ITK: variants seen among roughly 807,000 people sequenced by gnomAD.
ITK encodes tyrosine-protein kinase ITK/TSK.
A neutral mutation model predicts 87.6 loss-of-function variants in ITK; 45 were observed. The observed-to-expected ratio is 0.51, with a 90% CI of 0.40 to 0.66. ITK has a LOEUF of 0.66. Among genes scored for constraint, ITK ranks in the 30% least tolerant of loss-of-function variants. ITK has a pLI of 0.00. For synonymous variants in ITK, 303 were observed against 273.6 expected (o/e 1.11, Z -1.06); for missense variants, 605 against 766.3 (o/e 0.79, Z 2.48).
chr5:157,232,235 G>A, intron 7 of ITK, 105 bp from the exon 8 acceptor site: 1 of 812,610 alleles, frequency 1.2e-6, no homozygotes, highest in Non-Finnish European at 2.1e-6. Flanking sequence ...TTAAAGCACT[G>A]GTAGAAATAG....
intron 2 of ITK, among the ~76,000 whole-genome samples, chr5:157,209,855 A>G (rs1298901153): frequency 6.6e-6 from 1 of 152,236 alleles, no homozygotes; most frequent in Non-Finnish European, 1.5e-5. Flanking sequence ...TCACATGTTC[A>G]ATAGCAGGAC....
At chr5:157,190,611 A>C (rs1266462350) in intron 1 of ITK, among the ~76,000 whole-genome samples, 1 of 152,156 alleles carries the variant, frequency 6.6e-6, no homozygotes, top group African/African-American at 2.4e-5. Flanking sequence ...GCAGATAGAG[A>C]ATGTGGTAGG....
chr5:157,183,402 G>A (rs1012938326), intron 1 of ITK, among the ~76,000 whole-genome samples: 12 of 152,272 alleles, frequency 7.9e-5, no homozygotes, highest in Admixed American at 6.5e-4. Flanking sequence ...AGACTCAGAG[G>A]TATAATGTCT....
chr5:157,233,897 T>G (rs926121590), intron 8 of ITK, among the ~76,000 whole-genome samples: 9 of 133,660 alleles, frequency 6.7e-5, no homozygotes, highest in Non-Finnish European at 1.3e-4. Context: ...ACATTTTGCT[T>G]GCTCTGGCAG....
At chr5:157,237,306 C>A (rs1296522417) in intron 8 of ITK, among the ~76,000 whole-genome samples, 1 of 152,150 alleles carries the variant, frequency 6.6e-6, no homozygotes, top group Non-Finnish European at 1.5e-5. Context: ...AAACCAAACA[C>A]CACATGTTCT....
chr5:157,217,992 C>A, intron 5 of ITK, 85 bp downstream of exon 5: 1 of 1,197,900 alleles, frequency 8.3e-7, no homozygotes, highest in South Asian at 1.2e-5. Context: ...CCCCTCTCCC[C>A]ATAGTTTTCA....
At chr5:157,231,647 C>T (rs1245382631) in intron 7 of ITK, among the ~76,000 whole-genome samples, 1 of 152,136 alleles carries the variant, frequency 6.6e-6, no homozygotes, top group Non-Finnish European at 1.5e-5. Flanking sequence ...AGTCTGCCTC[C>T]TCTTACCTAA....
At chr5:157,189,739 A>T (rs541337247) in intron 1 of ITK, among the ~76,000 whole-genome samples, 1 of 152,232 alleles carries the variant, frequency 6.6e-6, no homozygotes, top group Non-Finnish European at 1.5e-5. Flanking sequence ...AGCTCCATGT[A>T]AAACAAGACA....
chr5:157,209,045 T>C, intron 2 of ITK, 52 bp downstream of exon 2: 2 of 1,238,420 alleles, frequency 1.6e-6, no homozygotes, highest in Non-Finnish European at 2.4e-6. Flanking sequence ...GGTTAAAATC[T>C]TCAGTCACAG....
chr5:157,213,819 G>T, intron 3 of ITK: 1 of 359,854 alleles, frequency 2.8e-6, no homozygotes, highest in South Asian at 2.3e-5. Flanking sequence ...GAGGTGGGGG[G>T]TGGTAATTCC....
chr5:157,192,318 G>C (rs1753768589), intron 1 of ITK, among the ~76,000 whole-genome samples: 1 of 152,146 alleles, frequency 6.6e-6, no homozygotes, highest in Non-Finnish European at 1.5e-5. Context: ...TCCCATGAAT[G>C]AGCTCTTTGG....
At chr5:157,189,224 G>A (rs73814025) in intron 1 of ITK, among the ~76,000 whole-genome samples, 398 of 152,260 alleles carry the variant, frequency 2.6e-3, no homozygotes, top group African/African-American at 9.0e-3. Flanking sequence ...GGAGATAACC[G>A]TTGTATTGAT....
In ITK at chr5:157,241,560, G is replaced by T. The variant is rs73814052; in HGVS notation, c.986-86G>T. ...AAAATTAGCTTTTGCGTCTGATGAT[G>T]ATTATTATTTTTTTTAGTGATTTAA... is the stretch of plus-strand genomic sequence containing the variant. On this transcript the variant is annotated intron_variant, in intron 10 of 16. Transcript: ENST00000422843. 7.5e-4 allele frequency: 697 copies of T among 930,852 alleles called. 7 individuals carry two copies. In the African/African-American group the frequency reaches 9.4e-3, roughly 13 times the overall value. 57.7% of individuals were successfully genotyped at this position (930,852 alleles called of 1,614,324 possible). A position where few individuals can be genotyped will look rare whatever the true frequency, so the allele number is the denominator to read the frequency against.
Position 157,222,862 on chromosome 5 carries a change from G to A in ITK, c.496-1G>A. 1 of 1,613,942 alleles carries A rather than the reference G, an allele frequency of 6.2e-7. No homozygotes were observed. The highest frequency in any genetic ancestry group is 8.5e-7 in the Non-Finnish European group (1 of 1,179,966). On this transcript the variant is annotated splice_acceptor_variant, in intron 5 of 16. Coordinates refer to ENST00000422843, the MANE Select transcript of ITK (RefSeq NM_005546.4). LOFTEE classifies it high-confidence loss of function. ...TTGGTTTTGTTGTCTCTCTTCCCCA[G>A]CGACCACTTTGGGAACCTGAAGAAA...
At chr5:157,218,686 T>C (rs1754350884) in intron 5 of ITK, among the ~76,000 whole-genome samples, 1 of 152,210 alleles carries the variant, frequency 6.6e-6, no homozygotes, top group African/African-American at 2.4e-5. Flanking sequence ...ATTGTAAAGC[T>C]TGGGAAATCA....
rs776918875 is a variant in ITK, at chr5:157,243,651, C to T, written c.1089C>T (p.Leu363=). The T allele has an allele frequency of 7.4e-6, 12 of 1,613,226 alleles. No individual in the cohort carries two copies. In the East Asian group the frequency reaches 2.7e-4, roughly 36 times the overall value. ...AATGGGTGATCGACCCCTCAGAGCT[C>T]ACTTTTGTGCAAGAGATTGGCAGTG... The part of the protein sequence containing the change: ...YGKWVIDPSE[L]TFVQEIGSGQ... The change falls in exon 12 of 17, where the codon CTC becomes CTT. Residue 363 remains leucine (L), a synonymous_variant. Transcript: ENST00000422843.
At chr5:157,233,963 A>ATAT (rs1561661196) in intron 8 of ITK, among the ~76,000 whole-genome samples, 1 of 22,294 alleles carries the variant, frequency 4.5e-5, no homozygotes, top group Non-Finnish European at 8.0e-5. Flanking sequence ...ATATATATAT[A>ATAT]TTTTTTTTTT....
In ITK at chr5:157,244,333, T is replaced by C. The variant is rs753598675; in HGVS notation, c.1304T>C (p.Phe435Ser). The change falls in exon 13 of 17, where the codon TTT becomes TCT. Residue 435 changes from phenylalanine (F) to serine (S), a missense_variant. By Grantham distance (155) the Phe-to-Ser change is radical. This residue lies in a region of ITK where 464 missense variants were observed against 578.0 expected (regional missense o/e 0.80). Coordinates refer to ENST00000422843, the MANE Select transcript of ITK (RefSeq NM_005546.4). ...CLEQAPICLV[F>S]EFMEHGCLSD... ...GAGCAGGCCCCCATCTGCCTGGTGT[T>C]TGAGTTCATGGAGCACGGCTGCCTG... 2 of 1,614,146 alleles carry C rather than the reference T, an allele frequency of 1.2e-6. No individual in the cohort carries two copies. Among genetic ancestry groups the C allele is most frequent in the Non-Finnish European group, 8.5e-7 (1 of 1,180,024 alleles).
intron 6 of ITK, among the ~76,000 whole-genome samples, chr5:157,227,992 G>A (rs1038765015): frequency 9.2e-5 from 14 of 151,410 alleles, no homozygotes; most frequent in East Asian, 1.9e-4. Context: ...CACCACACCC[G>A]GCTAATTTTT....
Sources: gnomAD v4.1 joint callset for allele counts (sites outside exome capture counted in the v4.1 genomes callset) on GRCh38, gnomAD v4.1.1 for gene constraint, gnomAD v4.1.1 regional missense constraint, MANE v1.5 for transcripts, NCBI Gene and HGNC (gene_info 2026-07-23, HGNC 2026-07-21) for gene names.